Variants in ZFHX3 observed in about 807,000 individuals in gnomAD.
The protein encoded by ZFHX3 is zinc finger homeobox protein 3.
In ZFHX3, 42 loss-of-function variants were observed where a neutral mutation model predicts 279.1. The ratio of observed to expected loss-of-function variants is 0.15; its 90% confidence interval spans 0.12 to 0.19. ZFHX3 has a LOEUF of 0.19. Among genes scored for constraint, ZFHX3 ranks in the 10% least tolerant of loss-of-function variants. The probability of loss-of-function intolerance (pLI) is 1.00; values close to 1 mark genes in which losing one functional copy is unlikely to be tolerated. For synonymous variants in ZFHX3, 2,293 were observed against 1,957.8 expected (o/e 1.17, Z -4.52); for missense variants, 4,981 against 4,754.0 (o/e 1.05, Z -1.40).
chr16:73,624,554 G>T (rs1166012346), intron 2 of ZFHX3, among the ~76,000 whole-genome samples: 3 of 151,136 alleles, frequency 2.0e-5, no homozygotes, highest in Non-Finnish European at 4.4e-5. Context: ...TAATATCAAA[G>T]TCAAAATTAT....
At chr16:73,484,618 G>A (rs2018940890) in intron 2 of ZFHX3, among the ~76,000 whole-genome samples, 2 of 152,186 alleles carry the variant, frequency 1.3e-5, no homozygotes, top group African/African-American at 4.8e-5. Flanking sequence ...CACGGTAGCA[G>A]GGAACTGTGA....
intron 2 of ZFHX3, among the ~76,000 whole-genome samples, chr16:73,556,188 T>C (rs2020279493): frequency 6.6e-6 from 1 of 152,226 alleles, no homozygotes; most frequent in African/African-American, 2.4e-5. Context: ...CTGGCCTTAA[T>C]AAGCTGTTGT....
chr16:73,860,388 CT>C (rs11284480), intron 1 of ZFHX3, among the ~76,000 whole-genome samples: 17,091 of 139,736 alleles, frequency 0.12, 985 homozygotes, highest in South Asian at 0.25. Flanking sequence ...CATTCCCTTA[CT>C]TTTTTTTTTT....
At chr16:72,805,855 G>A (rs536986400) in intron 7 of ZFHX3, 9 of 152,144 alleles carry the variant, frequency 5.9e-5, no homozygotes, top group Admixed American at 2.0e-4. Context: ...TTTTTAAAAG[G>A]CTCAGCTTCT....
At chr16:73,642,581 G>A (rs74030147) in intron 2 of ZFHX3, among the ~76,000 whole-genome samples, 11,491 of 151,812 alleles carry the variant, frequency 0.076, 478 homozygotes, top group Non-Finnish European at 0.086. Flanking sequence ...AATATAAAAC[G>A]GCATATAAAA....
At chr16:73,655,699 C>A (rs1446553459) in intron 2 of ZFHX3, among the ~76,000 whole-genome samples, 1 of 152,014 alleles carries the variant, frequency 6.6e-6, no homozygotes, top group Non-Finnish European at 1.5e-5. Context: ...AAACTAAAAA[C>A]CCTGGTATTA....
At chr16:73,134,078 C>T (rs1420156226) in intron 6 of ZFHX3, among the ~76,000 whole-genome samples, 2 of 152,100 alleles carry the variant, frequency 1.3e-5, no homozygotes, top group Non-Finnish European at 2.9e-5. Context: ...CCCAGTAGCC[C>T]TATGAGGTAG....
chr16:73,030,732 C>T (rs1163290091), intron 1 of ZFHX3, among the ~76,000 whole-genome samples: 5 of 152,164 alleles, frequency 3.3e-5, no homozygotes, highest in African/African-American at 9.7e-5. Flanking sequence ...CCAAGAGTTT[C>T]GTACCAATGT....
chr16:72,980,209 A>G (rs1435990705), intron 1 of ZFHX3, among the ~76,000 whole-genome samples: 1 of 152,194 alleles, frequency 6.6e-6, no homozygotes, highest in Non-Finnish European at 1.5e-5. Flanking sequence ...CCACACTAAC[A>G]GTGCCTTCCT....
chr16:73,651,656 GAA>G (rs2052672061), intron 2 of ZFHX3, among the ~76,000 whole-genome samples: 1 of 130,048 alleles, frequency 7.7e-6, no homozygotes, highest in South Asian at 2.6e-4. Context: ...CTAACATGGT[GAA>G]ACCCCATCTC....
At chr16:72,911,444 T>A (rs557237629) in intron 3 of ZFHX3, among the ~76,000 whole-genome samples, 1 of 152,160 alleles carries the variant, frequency 6.6e-6, no homozygotes, top group Non-Finnish European at 1.5e-5. Flanking sequence ...GAAAGTAACA[T>A]CTTTTTCCTT....
intron 1 of ZFHX3, among the ~76,000 whole-genome samples, chr16:73,747,709 G>GTA (rs1227772432): frequency 6.6e-6 from 1 of 151,968 alleles, no homozygotes; most frequent in Non-Finnish European, 1.5e-5. Flanking sequence ...TATACTTATT[G>GTA]TATATATACA....
chr16:73,891,043 G>T (rs896129026), intron 1 of ZFHX3, among the ~76,000 whole-genome samples: 1 of 18,790 alleles, frequency 5.3e-5, no homozygotes, highest in African/African-American at 2.6e-4. Context: ...CCTCACCCCC[G>T]CTCAGAGAAG....
chr16:73,119,576 G>A (rs896320017), intron 7 of ZFHX3, among the ~76,000 whole-genome samples: 2 of 152,176 alleles, frequency 1.3e-5, no homozygotes, highest in East Asian at 3.9e-4. Flanking sequence ...CAGCCGTGTG[G>A]CCTGCTTTAC....
At chr16:73,529,455 TG>T (rs1257499888) in intron 2 of ZFHX3, among the ~76,000 whole-genome samples, 1 of 152,174 alleles carries the variant, frequency 6.6e-6, no homozygotes, top group Non-Finnish European at 1.5e-5. Context: ...AAACTTAGCA[TG>T]GCACCCACCC....
intron 2 of ZFHX3, among the ~76,000 whole-genome samples, chr16:73,534,904 A>T (rs752742280): frequency 2.0e-5 from 3 of 151,950 alleles, no homozygotes; most frequent in Admixed American, 1.3e-4. Context: ...CAATCATCTC[A>T]CTCTCATGAC....
In ZFHX3 at chr16:72,957,717, T is replaced by C. The variant is rs766107663; in HGVS notation, c.2429A>G (p.Asp810Gly). The change falls in exon 2 of 10, where the codon GAT becomes GGT. Residue 810 changes from aspartate to glycine, a missense_variant. Physicochemically the swap from Asp to Gly is moderately conservative, Grantham distance 94. Transcript: ENST00000268489. ...TKPTWRCEVC[D>G]YETNVARNLR... is the part of the protein sequence containing the mutation. Reference sequence around the variant, plus strand: ...GTTCCTGGCCACGTTGGTCTCATAATCACACACCTCGCACCGCCAGGTGGG... The same window carrying C: ...GTTCCTGGCCACGTTGGTCTCATAACCACACACCTCGCACCGCCAGGTGGG... 1.1e-5 allele frequency: 17 copies of C among 1,614,040 alleles called. No individual in the cohort carries two copies. Among genetic ancestry groups the C allele is most frequent in the Non-Finnish European group, 6.8e-6 (8 of 1,180,028 alleles).
At chr16:73,731,917 T>G (rs1315201781) in intron 1 of ZFHX3, among the ~76,000 whole-genome samples, 2 of 152,188 alleles carry the variant, frequency 1.3e-5, no homozygotes, top group Non-Finnish European at 2.9e-5. Flanking sequence ...TAACAATTTG[T>G]AAAATGGACC....
chr16:72,805,273 C>T (rs1441117055), intron 7 of ZFHX3, among the ~76,000 whole-genome samples: 1 of 152,106 alleles, frequency 6.6e-6, no homozygotes, highest in Non-Finnish European at 1.5e-5. Flanking sequence ...TGAGCCACTA[C>T]GCCTGGCCAG....
Sources: allele counts gnomAD v4.1 joint callset (sites outside exome capture counted in the v4.1 genomes callset), GRCh38; gene constraint gnomAD v4.1.1; transcripts MANE v1.5; gene names NCBI Gene and HGNC (gene_info 2026-07-23, HGNC 2026-07-21).